The following FXYD7 variants were observed in gnomAD, a reference collection of about 807,000 sequenced individuals.
FXYD7 encodes FXYD domain-containing ion transport regulator 7.
A neutral mutation model predicts 15.3 loss-of-function variants in FXYD7; 7 were observed. That is an observed-to-expected ratio of 0.46 (90% CI 0.26 to 0.86). The LOEUF is 0.86. FXYD7 is among the 40% of genes least tolerant of loss of function. The pLI, the probability that FXYD7 is intolerant of heterozygous loss-of-function variation, is 0.16. For synonymous variants in FXYD7, 39 were observed against 39.3 expected, an observed-to-expected ratio of 0.99 and a Z score of 0.03; for missense variants, 78 against 100.6, an observed-to-expected ratio of 0.78 and a Z score of 0.96.
chr19:35,145,499 C>T (rs2065286270), intron 1 of FXYD7, among the ~76,000 whole-genome samples: 1 of 152,200 alleles, frequency 6.6e-6, no homozygotes, highest in Admixed American at 6.5e-5. Flanking sequence ...AGACAATCCA[C>T]CTTTTACAGC....
intron 5 of FXYD7, among the ~76,000 whole-genome samples, chr19:35,152,996 G>A (rs1320350083): frequency 7.4e-6 from 1 of 135,176 alleles, no homozygotes; most frequent in African/African-American, 2.8e-5. Context: ...TTATTCAATG[G>A]TTGAGAAGTA....
At chr19:35,152,833 T>G (rs1174824697) in intron 5 of FXYD7, among the ~76,000 whole-genome samples, 1 of 151,442 alleles carries the variant, frequency 6.6e-6, no homozygotes, top group African/African-American at 2.4e-5. Flanking sequence ...TTAATTTTAA[T>G]TATGTAAAAA....
In FXYD7 at chr19:35,144,685, G is replaced by A. The variant is rs573596870; in HGVS notation, c.31+1321G>A. Among the ~76,000 whole-genome samples the A allele has an allele frequency of 4.0e-5, 6 of 150,756 alleles. No individual in the cohort carries two copies. The South Asian group carries it at 1.2e-3, about 31-fold the overall frequency. On this transcript the variant is annotated intron_variant, in intron 1 of 5. Coordinates refer to ENST00000270310, the MANE Select transcript of FXYD7 (RefSeq NM_022006.2). ...CAGAGGCTGGAAGCTACCCTAGGGA[G>A]GGGGGCAGGGCTGAGGCAGCAGGCC... is the stretch of plus-strand genomic sequence containing the variant.
chr19:35,148,096 A>AAAGAAAGG (rs2065297145), intron 1 of FXYD7, among the ~76,000 whole-genome samples: 1 of 129,662 alleles, frequency 7.7e-6, no homozygotes, highest in African/African-American at 3.0e-5. Flanking sequence ...AGAAAGAAAG[A>AAAGAAAGG]GAGAGAGAAA....
chr19:35,154,032 C>G lies in FXYD7; in HGVS notation c.*116C>G, dbSNP rs2065328522. ...GGAGCGCTCCCCGGAATGAGCCGCC[C>G]CACCCACCCCAAGGCTGGAGCCGCT... is the stretch of plus-strand genomic sequence containing the variant. On this transcript the variant is annotated 3_prime_UTR_variant, in exon 6 of 6. Coordinates refer to ENST00000270310, the MANE Select transcript of FXYD7 (RefSeq NM_022006.2). The G allele has an allele frequency of 1.1e-6, 1 of 905,440 alleles. No homozygotes were observed. The highest frequency in any genetic ancestry group is 1.6e-5 in the African/African-American group (1 of 60,814). 56.1% of individuals were successfully genotyped at this position (905,440 alleles called of 1,614,324 possible). A position where few individuals can be genotyped will look rare whatever the true frequency, so the allele number is the denominator to read the frequency against.
At chr19:35,148,494 G>T (rs2065298361) in intron 1 of FXYD7, among the ~76,000 whole-genome samples, 200 bp from the exon 2 acceptor site, 1 of 152,158 alleles carries the variant, frequency 6.6e-6, no homozygotes. Flanking sequence ...GAGTGAGTAG[G>T]GGCTGGAATC....
rs1340484355 is a variant in FXYD7 at position 35,153,961 on chromosome 19, G to A, written c.*45G>A. The stretch of plus-strand genomic sequence containing the variant: ...CGCTGCCGACCCTGCCTGAGCGCGG[G>A]AGCCTGAGGACCGGGTGGAGGCGGT... On this transcript the variant is annotated 3_prime_UTR_variant, in exon 6 of 6. Transcript: ENST00000270310. 3.1e-6 allele frequency: 5 copies of A among 1,598,118 alleles called. No homozygotes were observed. The highest frequency in any genetic ancestry group is 2.2e-5 in the South Asian group (2 of 90,644).
At chr19:35,152,087 T>G (rs552955489) in intron 5 of FXYD7, among the ~76,000 whole-genome samples, 2 of 130,290 alleles carry the variant, frequency 1.5e-5, no homozygotes, top group East Asian at 4.6e-4. Flanking sequence ...TGCAATGAGC[T>G]GAGGTTGTGC....
intron 5 of FXYD7, 149 bp from the exon 6 acceptor site, chr19:35,153,745 G>T: frequency 1.4e-6 from 1 of 690,578 alleles, no homozygotes; most frequent in Non-Finnish European, 2.6e-6. Flanking sequence ...TTAGAGTGTG[G>T]GAGGCAAGAC....
At position 35,151,623 on chromosome 19, in the gene FXYD7, G is replaced by T. The variant is rs964399170; in HGVS notation, c.180-10G>T. ...CTTTCTACTTTTCTCTCTCATCTCTGCCTCCACAGCCCAACCTGCAAATCC... is the reference window on the plus strand; with the variant it reads ...CTTTCTACTTTTCTCTCTCATCTCTTCCTCCACAGCCCAACCTGCAAATCC... On this transcript the variant is annotated splice_polypyrimidine_tract_variant and intron_variant, in intron 4 of 5. Transcript: ENST00000270310. 6.2e-7 allele frequency: 1 copy of T among 1,612,090 alleles called. No homozygotes were observed. The highest frequency in any genetic ancestry group is 8.5e-7 in the Non-Finnish European group (1 of 1,178,300).
In FXYD7 at chr19:35,143,642, T is replaced by G. The variant is rs1600489853; in HGVS notation, c.31+278T>G. 6.9e-6 allele frequency among the ~76,000 whole-genome samples: 1 copy of G among 145,000 alleles called. No homozygotes were observed. On this transcript the variant is annotated intron_variant, in intron 1 of 5. Transcript: ENST00000270310. The surrounding 1 kb of genome is among the most constrained non-coding windows in gnomAD (Gnocchi z 4.3). Reference sequence around the variant, plus strand: ...CGGACAGGTCGCTATGGCAACCGGGTGGCTGGTCCCGCACCGTGGTGGTAG... The same window carrying G: ...CGGACAGGTCGCTATGGCAACCGGGGGGCTGGTCCCGCACCGTGGTGGTAG...
chr19:35,143,798 GCTGTCTCCTAGGGTGT>G lies in FXYD7; in HGVS notation c.31+439_31+454del, dbSNP rs2065278725. Among the ~76,000 whole-genome samples the G allele has an allele frequency of 6.6e-6, 1 of 152,176 alleles. No homozygotes were observed. Among genetic ancestry groups the G allele is most frequent in the East Asian group, 1.9e-4 (1 of 5,182 alleles). ...GGTTCATGTCCCTCTTCTTTCCAGT[GCTGTCTCCTAGGGTGT>G]CTGTTTCCTGAAACCCTTGACAGCC... On this transcript the variant is annotated intron_variant, in intron 1 of 5. Coordinates refer to ENST00000270310, the MANE Select transcript of FXYD7 (RefSeq NM_022006.2). The surrounding 1 kb of genome is among the most constrained non-coding windows in gnomAD (Gnocchi z 4.3).
At chr19:35,144,745 G>T (rs1333544943) in intron 1 of FXYD7, among the ~76,000 whole-genome samples, 1 of 152,130 alleles carries the variant, frequency 6.6e-6, no homozygotes, top group Non-Finnish European at 1.5e-5. Flanking sequence ...TGCAGAGGTG[G>T]TGGTTAGCAG....
At chr19:35,150,994 T>TTA (rs1005366140) in intron 2 of FXYD7, among the ~76,000 whole-genome samples, 4 of 151,362 alleles carry the variant, frequency 2.6e-5, no homozygotes, top group Non-Finnish European at 4.4e-5. Flanking sequence ...AGGGAGAGTA[T>TTA]TATATATATA....
rs2065295051 is a variant in FXYD7 at position 35,148,031 on chromosome 19, G to GTA, written c.32-663_32-662insTA. Among the ~76,000 whole-genome samples the GTA allele has an allele frequency of 2.4e-4, 3 of 12,466 alleles. No individual in the cohort carries two copies. In the South Asian group the frequency reaches 0.01, roughly 42 times the overall value. 8.2% of individuals were successfully genotyped at this position (12,466 alleles called of 152,430 possible). A position where few individuals can be genotyped will look rare whatever the true frequency, so the allele number is the denominator to read the frequency against. ...AGGAAAGAAAGAAGAAAGAAGGAAAGAAAGAAAGAAAGAAAGAAAGAAAGA... is the reference window on the plus strand; with the variant it reads ...AGGAAAGAAAGAAGAAAGAAGGAAAGTAAAAGAAAGAAAGAAAGAAAGAAAGA... On this transcript the variant is annotated intron_variant, in intron 1 of 5. Coordinates refer to ENST00000270310, the MANE Select transcript of FXYD7 (RefSeq NM_022006.2).
intron 5 of FXYD7, 117 bp downstream of exon 5, chr19:35,151,790 C>T: frequency 1.3e-6 from 1 of 771,462 alleles, no homozygotes; most frequent in South Asian, 1.4e-5. Flanking sequence ...GGGGTGGTGC[C>T]TGCAGATATC....
At chr19:35,148,085 AAGAAAGAAAG>A (rs1340744372) in intron 1 of FXYD7, among the ~76,000 whole-genome samples, 54 of 119,458 alleles carry the variant, frequency 4.5e-4, no homozygotes, top group South Asian at 2.3e-3. Context: ...GAAAGAAAGA[AAGAAAGAAAG>A]AGAGAGAGAA....
At chr19:35,153,772 C>A in intron 5 of FXYD7, 122 bp from the exon 6 acceptor site, 1 of 860,094 alleles carries the variant, frequency 1.2e-6, no homozygotes, top group Non-Finnish European at 2.0e-6. Flanking sequence ...TCAGTGTTAG[C>A]TCTGGGGTGA....
intron 1 of FXYD7, among the ~76,000 whole-genome samples, chr19:35,144,584 C>A (rs1389681569): frequency 1.3e-5 from 2 of 151,436 alleles, no homozygotes; most frequent in African/African-American, 4.9e-5. Flanking sequence ...CCCTTCCGCG[C>A]TTCCCAGCAG....
Sources: allele counts gnomAD v4.1 joint callset (sites outside exome capture counted in the v4.1 genomes callset), GRCh38; gene constraint gnomAD v4.1.1; non-coding constraint Gnocchi (gnomAD v3.1); transcripts MANE v1.5; gene names NCBI Gene and HGNC (gene_info 2026-07-23, HGNC 2026-07-21).